NEURL1: variants seen among roughly 807,000 people sequenced by gnomAD.
The protein encoded by NEURL1 is E3 ubiquitin-protein ligase NEURL1.
In NEURL1, 26 loss-of-function variants were observed where a neutral mutation model predicts 41.2. That is an observed-to-expected ratio of 0.63 (90% CI 0.46 to 0.87). The LOEUF (loss-of-function observed/expected upper bound fraction) is 0.87. Ranked by LOEUF, NEURL1 falls within the 40% of genes least tolerant of loss-of-function variation. NEURL1 has a pLI of 0.00. For synonymous variants in NEURL1, 400 were observed against 402.3 expected, an observed-to-expected ratio of 0.99 and a Z score of 0.07; for missense variants, 761 against 871.1, an observed-to-expected ratio of 0.87 and a Z score of 1.59.
rs1249357190 is a variant in NEURL1 at position 103,508,479 on chromosome 10, C to G, written c.85+14007C>G. On this transcript the variant is annotated intron_variant, in intron 1 of 5. Transcript: ENST00000369780. This position sits in a 1 kb window ranked among gnomAD's most constrained non-coding sequence, Gnocchi z 4.3. ...CCAGCCCCGAGGGACAAAGGCAGAC[C>G]TTGGACTCAATGGAGTGCCAGCCCT... Among the ~76,000 whole-genome samples, 1 of 152,208 alleles carries G rather than the reference C, an allele frequency of 6.6e-6. No individual in the cohort carries two copies. Among genetic ancestry groups the G allele is most frequent in the Non-Finnish European group, 1.5e-5 (1 of 68,044 alleles).
At chr10:103,585,698 G>T (rs900818817) in intron 4 of NEURL1, among the ~76,000 whole-genome samples, 21 of 152,106 alleles carry the variant, frequency 1.4e-4, no homozygotes, top group African/African-American at 5.1e-4. Context: ...GCGGGGCATG[G>T]TGGTGGGCGC....
At chr10:103,537,433 T>G (rs2034716384) in intron 1 of NEURL1, among the ~76,000 whole-genome samples, 1 of 152,184 alleles carries the variant, frequency 6.6e-6, no homozygotes, top group Non-Finnish European at 1.5e-5. Context: ...AGGGTCTCAC[T>G]GTGTCACCCA....
intron 1 of NEURL1, 70 bp downstream of exon 1, chr10:103,494,542 G>C (rs1300072333): frequency 8.8e-6 from 12 of 1,362,360 alleles, no homozygotes; most frequent in Non-Finnish European, 1.2e-5. Context: ...TGTGGTTGGG[G>C]AGGGCGGGCA....
At chr10:103,528,383 A>G (rs538098391) in intron 1 of NEURL1, among the ~76,000 whole-genome samples, 1 of 152,054 alleles carries the variant, frequency 6.6e-6, no homozygotes, top group Admixed American at 6.5e-5. Context: ...AAAAATACAA[A>G]AATTAGCCAG....
At chr10:103,575,276 G>T (rs181949997) in intron 3 of NEURL1, among the ~76,000 whole-genome samples, 143 of 151,648 alleles carry the variant, frequency 9.4e-4, no homozygotes, top group Non-Finnish European at 1.7e-3. Context: ...GCTTTCCCTG[G>T]TCTTGGTGTC....
chr10:103,584,490 G>T (rs2035853863), intron 3 of NEURL1, 46 bp from the exon 4 acceptor site: 2 of 1,242,794 alleles, frequency 1.6e-6, no homozygotes, highest in Non-Finnish European at 2.0e-6. Context: ...CGCCGGGGCC[G>T]CCTCCCGAGA....
At position 103,558,144 on chromosome 10, in the gene NEURL1, C is replaced by T. The variant is rs1434484929; in HGVS notation, c.86-12728C>T. ...CCACCTGTGTCGGCCTCCCAAAGTG[C>T]TGGGTTTACAGGTGTGAGCCACCGC... On this transcript the variant is annotated intron_variant, in intron 1 of 5. Coordinates refer to ENST00000369780, the MANE Select transcript of NEURL1 (RefSeq NM_004210.5). This position sits in a 1 kb window ranked among gnomAD's most constrained non-coding sequence, Gnocchi z 4.2. 1 of 980,752 alleles carries T rather than the reference C, an allele frequency of 1.0e-6. No individual in the cohort carries two copies. Among genetic ancestry groups the T allele is most frequent in the Non-Finnish European group, 1.2e-6 (1 of 825,802 alleles). 60.8% of individuals were successfully genotyped at this position (980,752 alleles called of 1,614,324 possible).
chr10:103,538,342 A>G (rs1248708625), intron 1 of NEURL1, among the ~76,000 whole-genome samples: 1 of 152,196 alleles, frequency 6.6e-6, no homozygotes, highest in Non-Finnish European at 1.5e-5. Context: ...AGGCCAAGGC[A>G]GGCGGATCAC....
rs1307631994 is a variant in NEURL1 at position 103,558,461 on chromosome 10, C to A, written c.86-12411C>A. Reference sequence around the variant, plus strand: ...GTGTTGCCGGGCCTGTGTTTCCATGCGGGGGCAGCCACATCTGTGGTACTC... The same window carrying A: ...GTGTTGCCGGGCCTGTGTTTCCATGAGGGGGCAGCCACATCTGTGGTACTC... On this transcript the variant is annotated intron_variant, in intron 1 of 5. Coordinates refer to ENST00000369780, the MANE Select transcript of NEURL1 (RefSeq NM_004210.5). The surrounding 1 kb of genome is among the most constrained non-coding windows in gnomAD (Gnocchi z 4.2). Among the ~76,000 whole-genome samples the A allele has an allele frequency of 1.3e-5, 2 of 150,610 alleles. No individual in the cohort carries two copies. The highest frequency in any genetic ancestry group is 1.9e-4 in the East Asian group (1 of 5,138).
At chr10:103,497,146 C>T (rs1341379116) in intron 1 of NEURL1, among the ~76,000 whole-genome samples, 1 of 152,212 alleles carries the variant, frequency 6.6e-6, no homozygotes, top group Non-Finnish European at 1.5e-5. Flanking sequence ...CGTCTTTCTA[C>T]CCTAATAGAG....
Position 103,519,301 on chromosome 10 carries a change from T to A in NEURL1, c.85+24829T>A, listed in dbSNP as rs145312178. Among the ~76,000 whole-genome samples the A allele has an allele frequency of 3.2e-3, 488 of 152,290 alleles. 2 individuals are homozygous for A. The highest frequency in any genetic ancestry group is 0.01 in the African/African-American group (420 of 41,554). On this transcript the variant is annotated intron_variant, in intron 1 of 5. Coordinates refer to ENST00000369780, the MANE Select transcript of NEURL1 (RefSeq NM_004210.5). ...AAACACTTTTTTAAAAAATGAACTT[T>A]TATAGCCCTGTCCCCTCCCAAAAGA... is the stretch of plus-strand genomic sequence containing the variant.
At chr10:103,537,528 G>C (rs1478837557) in intron 1 of NEURL1, among the ~76,000 whole-genome samples, 5 of 151,960 alleles carry the variant, frequency 3.3e-5, no homozygotes, top group Admixed American at 2.6e-4. Context: ...GGAGTAGCTG[G>C]GACCACAGGT....
At chr10:103,533,952 T>C (rs2034637879) in intron 1 of NEURL1, among the ~76,000 whole-genome samples, 3 of 152,072 alleles carry the variant, frequency 2.0e-5, no homozygotes, top group Middle Eastern at 3.2e-3. Flanking sequence ...ATTACAGGCG[T>C]GAACCACCGC....
intron 1 of NEURL1, among the ~76,000 whole-genome samples, chr10:103,540,147 C>T (rs1351706169): frequency 3.9e-5 from 6 of 152,180 alleles, no homozygotes; most frequent in Admixed American, 2.6e-4. Flanking sequence ...AATGCAATTC[C>T]TCACAGACAC....
intron 1 of NEURL1, chr10:103,555,354 G>A: frequency 7.4e-7 from 1 of 1,343,616 alleles, no homozygotes; most frequent in Non-Finnish European, 9.9e-7. Context: ...GCCCAGCAGA[G>A]GTGGCTGCAC....
At chr10:103,587,989 G>A (rs1488705350) in intron 4 of NEURL1, among the ~76,000 whole-genome samples, 2 of 152,182 alleles carry the variant, frequency 1.3e-5, no homozygotes, top group Non-Finnish European at 2.9e-5. Flanking sequence ...AGAGTCACAG[G>A]TGAATACTAT....
chr10:103,507,960 T>C (rs2033986427), intron 1 of NEURL1, among the ~76,000 whole-genome samples: 1 of 152,204 alleles, frequency 6.6e-6, no homozygotes, highest in African/African-American at 2.4e-5. Flanking sequence ...CCAAGGTTGC[T>C]CTGGCTTTCC....
At chr10:103,524,919 G>T (rs1024180417) in intron 1 of NEURL1, among the ~76,000 whole-genome samples, 1 of 152,066 alleles carries the variant, frequency 6.6e-6, no homozygotes, top group Non-Finnish European at 1.5e-5. Flanking sequence ...TTGGCTATAT[G>T]GGGGGTGGGG....
chr10:103,568,692 A>T (rs79231855), intron 1 of NEURL1, among the ~76,000 whole-genome samples: 1 of 152,202 alleles, frequency 6.6e-6, no homozygotes, highest in Non-Finnish European at 1.5e-5. Flanking sequence ...TTAAAAAAAA[A>T]GATAAGGAAC....
Sources: gnomAD v4.1 joint callset for allele counts (sites outside exome capture counted in the v4.1 genomes callset) on GRCh38, gnomAD v4.1.1 for gene constraint, Gnocchi (gnomAD v3.1) non-coding constraint, MANE v1.5 for transcripts, NCBI Gene and HGNC (gene_info 2026-07-23, HGNC 2026-07-21) for gene names.